The following TSPEAR variants were observed in gnomAD, a reference collection of about 807,000 sequenced individuals.
TSPEAR encodes thrombospondin-type laminin G domain and EAR repeat-containing protein.
Under a neutral mutation model 71.6 loss-of-function variants are expected in TSPEAR, and 69 were observed. The ratio of observed to expected loss-of-function variants is 0.96; its 90% CI spans 0.79 to 1.18. The LOEUF is 1.18. Among genes scored for constraint, TSPEAR ranks in the 50% most tolerant of loss-of-function variants. The probability of loss-of-function intolerance (pLI) is 0.00; values close to 1 mark genes in which losing one functional copy is unlikely to be tolerated. For synonymous variants in TSPEAR, 402 were observed against 387.2 expected, an observed-to-expected ratio of 1.04 and a Z score of -0.45; for missense variants, 971 against 894.9, an observed-to-expected ratio of 1.09 and a Z score of -1.09.
chr21:44,637,509 G>A (rs782593536), intron 1 of TSPEAR: 6 of 1,613,314 alleles, frequency 3.7e-6, no homozygotes, highest in African/African-American at 1.3e-5. Context: ...GAGCCCTGCT[G>A]CTGTGCCCCA....
At chr21:44,556,942 AG>A (rs1351570486) in intron 2 of TSPEAR, among the ~76,000 whole-genome samples, 2 of 152,342 alleles carry the variant, frequency 1.3e-5, no homozygotes, top group East Asian at 3.9e-4. Flanking sequence ...GATAAGTAAA[AG>A]GAAACCAACT....
In TSPEAR at chr21:44,499,642, A is replaced by G. The variant is rs961593921; in HGVS notation, c.*141T>C. The G allele has an allele frequency of 3.0e-5, 25 of 828,888 alleles. No individual in the cohort carries two copies. The highest frequency in any genetic ancestry group is 4.3e-5 in the Non-Finnish European group (24 of 563,528). The allele number at this position is 828,888 out of a possible 1,614,324, so 51.3% of individuals were successfully genotyped here. On this transcript the variant is annotated 3_prime_UTR_variant, in exon 12 of 12. Transcript: ENST00000323084. ...GTCCCTGCCCGAACCAGGGCCGCAG[A>G]TGGCCCCACCTGCACCCTGCCTGAT...
intron 8 of TSPEAR, among the ~76,000 whole-genome samples, chr21:44,523,793 TAGTC>T (rs61723663): frequency 0.048 from 7,198 of 150,438 alleles, 588 homozygotes; most frequent in African/African-American, 0.16. Flanking sequence ...GTCAGTGAGG[TAGTC>T]AGTCAGTCAG....
At chr21:44,508,882 C>A in intron 10 of TSPEAR, 1 of 1,449,384 alleles carries the variant, frequency 6.9e-7, no homozygotes, top group Non-Finnish European at 9.3e-7. Flanking sequence ...TCCCTCCGCA[C>A]GACGGGCATG....
chr21:44,543,912 T>G (rs1387573830), intron 2 of TSPEAR, among the ~76,000 whole-genome samples: 1 of 152,088 alleles, frequency 6.6e-6, no homozygotes, highest in Non-Finnish European at 1.5e-5. Context: ...ACCAATACAA[T>G]GAAGGAATAA....
intron 1 of TSPEAR, among the ~76,000 whole-genome samples, chr21:44,586,694 C>A (rs1262722972): frequency 2.0e-5 from 3 of 151,842 alleles, no homozygotes; most frequent in Non-Finnish European, 4.4e-5. Flanking sequence ...CATTCTGAGC[C>A]TTTCATACAA....
chr21:44,530,766 G>A lies in TSPEAR; in HGVS notation c.633+277C>T, dbSNP rs142702482. On this transcript the variant is annotated intron_variant, in intron 4 of 11. Coordinates refer to ENST00000323084, the MANE Select transcript of TSPEAR (RefSeq NM_144991.3). The stretch of plus-strand genomic sequence containing the variant: ...GGCCCTACTGAGGAAAGACAGCTCC[G>A]GGGAAGGGGCTGCAGGGCAGAGTGT... Among the ~76,000 whole-genome samples the A allele has an allele frequency of 5.8e-4, 88 of 152,304 alleles. 1 individual carries two copies. Among genetic ancestry groups the A allele is most frequent in the African/African-American group, 1.6e-3 (68 of 41,570 alleles).
chr21:44,509,067 T>G (rs4818930), intron 10 of TSPEAR, 132 bp downstream of exon 10: 21 of 1,343,402 alleles, frequency 1.6e-5, no homozygotes, highest in Admixed American at 2.1e-5. Flanking sequence ...CCCCAGGCCA[T>G]TCTTTCCACA....
At chr21:44,618,509 A>G (rs2146188575) in intron 1 of TSPEAR, among the ~76,000 whole-genome samples, 1 of 152,368 alleles carries the variant, frequency 6.6e-6, no homozygotes, top group East Asian at 1.9e-4. Flanking sequence ...CTTTGCAGCA[A>G]GCAAGGGAAC....
chr21:44,698,631 C>T (rs1301725572), intron 1 of TSPEAR, among the ~76,000 whole-genome samples: 1 of 152,202 alleles, frequency 6.6e-6, no homozygotes, highest in African/African-American at 2.4e-5. Flanking sequence ...TGGCTGGACA[C>T]GGAGTCCTGG....
chr21:44,592,565 G>T, intron 1 of TSPEAR: 2 of 1,537,876 alleles, frequency 1.3e-6, no homozygotes, highest in East Asian at 2.3e-5. Context: ...ACCTGGCCTT[G>T]TTGTCCCCGG....
chr21:44,659,166 G>A (rs1322719644), intron 1 of TSPEAR, among the ~76,000 whole-genome samples: 7 of 152,136 alleles, frequency 4.6e-5, no homozygotes, highest in African/African-American at 1.4e-4. Context: ...AATAAGCAAC[G>A]TCAGCCTGCC....
intron 8 of TSPEAR, 118 bp downstream of exon 8, chr21:44,525,535 C>T (rs2052837152): frequency 9.0e-7 from 1 of 1,115,558 alleles, no homozygotes; most frequent in East Asian, 2.4e-5. Context: ...AACGCATGTT[C>T]ACCCTGTGCT....
At chr21:44,699,624 G>A (rs1168149297) in intron 1 of TSPEAR, among the ~76,000 whole-genome samples, 1 of 152,112 alleles carries the variant, frequency 6.6e-6, no homozygotes, top group African/African-American at 2.4e-5. Flanking sequence ...GCCAGCCCCT[G>A]CTGCGCCTGG....
At chr21:44,518,181 T>TAAC in intron 9 of TSPEAR, 1 of 388,374 alleles carries the variant, frequency 2.6e-6, no homozygotes, top group Non-Finnish European at 5.2e-6. Flanking sequence ...AAGACAAGTA[T>TAAC]AACTTAAAAA....
At chr21:44,550,654 G>A (rs781785059) in intron 2 of TSPEAR, 7 of 1,605,608 alleles carry the variant, frequency 4.4e-6, no homozygotes, top group Non-Finnish European at 6.0e-6. Context: ...GCAGGGAGGT[G>A]GGGCCTGAGC....
At chr21:44,689,739 A>ATATATTTTTTTTTTTTT (rs1555949531) in intron 1 of TSPEAR, among the ~76,000 whole-genome samples, 8 of 128,176 alleles carry the variant, frequency 6.2e-5, no homozygotes, top group African/African-American at 2.5e-4. Flanking sequence ...ATATATATAT[A>ATATATTTTTTTTTTTTT]TTTTGGGGGG....
chr21:44,547,961 C>T (rs1456581249), intron 2 of TSPEAR, among the ~76,000 whole-genome samples: 1 of 152,242 alleles, frequency 6.6e-6, no homozygotes, highest in Non-Finnish European at 1.5e-5. Flanking sequence ...AGTGGGATCT[C>T]CCACCTCCCT....
At chr21:44,588,866 T>C (rs782667712) in intron 1 of TSPEAR, among the ~76,000 whole-genome samples, 103 of 151,860 alleles carry the variant, frequency 6.8e-4, no homozygotes, top group African/African-American at 1.2e-3. Context: ...TGGATGAGAT[T>C]GGAGATTATT....
Sources: allele counts gnomAD v4.1 joint callset (sites outside exome capture counted in the v4.1 genomes callset), GRCh38; gene constraint gnomAD v4.1.1; transcripts MANE v1.5; gene names NCBI Gene and HGNC (gene_info 2026-07-23, HGNC 2026-07-21).